The following VPS13D variants were observed in gnomAD, a reference collection of about 807,000 sequenced individuals.
VPS13D encodes vacuolar protein sorting 13 homolog D.
Under a neutral mutation model 461.9 loss-of-function variants are expected in VPS13D, and 187 were observed. The observed-to-expected ratio is 0.40, with a 90% confidence interval of 0.36 to 0.46. The LOEUF is 0.46. Ranked by LOEUF, VPS13D falls within the 20% of genes least tolerant of loss-of-function variation. The probability of loss-of-function intolerance (pLI) is 0.60; values close to 1 mark genes in which losing one functional copy is unlikely to be tolerated. For synonymous variants in VPS13D, 1,951 were observed against 1,986.3 expected (o/e 0.98, Z 0.47); for missense variants, 4,711 against 5,364.9 (o/e 0.88, Z 3.81).
chr1:12,247,800 T>A (rs1484581457), intron 5 of VPS13D, among the ~76,000 whole-genome samples: 7 of 151,752 alleles, frequency 4.6e-5, no homozygotes, highest in Admixed American at 3.9e-4. Context: ...GCCTCCCGGA[T>A]TCAAGCGATT....
At chr1:12,494,463 C>G (rs1046567997) in intron 67 of VPS13D, among the ~76,000 whole-genome samples, 2 of 152,140 alleles carry the variant, frequency 1.3e-5, no homozygotes, top group African/African-American at 4.8e-5. Context: ...GTGAGAAGAT[C>G]AACAAGGTGA....
chr1:12,259,126 C>T lies in VPS13D; in HGVS notation c.1110+1023C>T, dbSNP rs995317452. 3.3e-4 allele frequency among the ~76,000 whole-genome samples: 50 copies of T among 151,600 alleles called. 2 individuals carry two copies. The highest frequency in any genetic ancestry group is 2.8e-3 in the Admixed American group (43 of 15,230). ...GCATGATCATGGTCACTGCAACCTC[C>T]GTCACCCTGGGCTCAAGCCATTCTC... On this transcript the variant is annotated intron_variant, in intron 10 of 69. Coordinates refer to ENST00000620676, the MANE Select transcript of VPS13D (RefSeq NM_015378.4).
Position 12,256,435 on chromosome 1 carries a change from C to A in VPS13D, c.772C>A (p.Arg258=). The change falls in exon 8 of 70, where the codon CGG becomes AGG. Residue 258 remains arginine (R), a synonymous_variant. Transcript: ENST00000620676. ...GAGAAACTGCTCCAAGAAGCCCCTG[C>A]GGTCTCGGCACAGTCCCCGTATTGA... The part of the protein sequence containing the change: ...LKRNCSKKPL[R]SRHSPRIDCD... The A allele has an allele frequency of 1.9e-6, 3 of 1,614,136 alleles. No homozygotes were observed. The highest frequency in any genetic ancestry group is 2.5e-6 in the Non-Finnish European group (3 of 1,180,006).
intron 21 of VPS13D, 65 bp from the exon 22 acceptor site, chr1:12,288,158 G>A (rs1048860744): frequency 7.8e-5 from 110 of 1,416,606 alleles, no homozygotes; most frequent in South Asian, 1.3e-4. Flanking sequence ...TTGCTCTGCC[G>A]TTTTCCTGAA....
chr1:12,354,323 C>T, intron 47 of VPS13D, 102 bp downstream of exon 47: 2 of 1,379,240 alleles, frequency 1.5e-6, no homozygotes, highest in Admixed American at 2.2e-5. Flanking sequence ...AATTGGGGCA[C>T]ATATAATATC....
chr1:12,372,800 C>CTTT (rs764284126), intron 54 of VPS13D, among the ~76,000 whole-genome samples: 74 of 126,766 alleles, frequency 5.8e-4, no homozygotes, highest in African/African-American at 2.0e-3. Flanking sequence ...AATCCATTAC[C>CTTT]TTTTTTTTTT....
intron 27 of VPS13D, among the ~76,000 whole-genome samples, chr1:12,309,212 CTTTTTTTTT>C (rs201262655): frequency 7.6e-6 from 1 of 131,052 alleles, no homozygotes; most frequent in Non-Finnish European, 1.7e-5. Flanking sequence ...TCTTTTTTTT[CTTTTTTTTT>C]TTTTTTTTGA....
At chr1:12,297,066 G>T (rs1279222972) in intron 24 of VPS13D, among the ~76,000 whole-genome samples, 2 of 152,204 alleles carry the variant, frequency 1.3e-5, no homozygotes, top group East Asian at 3.8e-4. Context: ...AATTCTAGCT[G>T]TTTGAATTAG....
chr1:12,277,127 C>T lies in VPS13D; in HGVS notation c.3539C>T (p.Thr1180Ile). 1 of 1,614,174 alleles carries T rather than the reference C, an allele frequency of 6.2e-7. No homozygotes were observed. Residue 1180 changes from threonine (T) to isoleucine (I), a missense_variant, in exon 19 of 70, where the codon ACA becomes ATA. Thr to Ile is a moderately conservative substitution (Grantham distance 89, BLOSUM62 -1). Coordinates refer to ENST00000620676, the MANE Select transcript of VPS13D (RefSeq NM_015378.4). ...AGGCTGAACTTACTGCTTCTTCGGA[C>T]AGTGGGCATGGCAAATAGAGAGAAA... ...IHRLNLLLLR[T>I]VGMANREKYG...
intron 12 of VPS13D, 67 bp downstream of exon 12, chr1:12,261,216 G>T: frequency 6.4e-7 from 1 of 1,569,590 alleles, no homozygotes. Flanking sequence ...ACAGCTTGTG[G>T]TATTTTTCAA....
Position 12,386,178 on chromosome 1 carries a change from C to T in VPS13D, c.11485-7C>T. The T allele has an allele frequency of 6.2e-7, 1 of 1,606,230 alleles. No individual in the cohort carries two copies. Among genetic ancestry groups the T allele is most frequent in the Non-Finnish European group, 8.5e-7 (1 of 1,176,686 alleles). On this transcript the variant is annotated splice_region_variant and splice_polypyrimidine_tract_variant and intron_variant, in intron 59 of 69. Transcript: ENST00000620676. ...AATCAGGGTGCCATATTTTGGTTTC[C>T]TTTCAGGTGCTTGTGAGGTTAGAAG...
In VPS13D at chr1:12,299,217, C is replaced by T; in HGVS notation, c.6049C>T (p.Gln2017Ter). The change falls in exon 25 of 70, where the codon CAG becomes TAG. Residue 2017 changes from glutamine (Q) to a stop codon, truncating the protein, a stop_gained. Transcript: ENST00000620676. LOFTEE classifies it high-confidence loss of function. This position sits in a 1 kb window ranked among gnomAD's most constrained non-coding sequence, Gnocchi z 4.2. ...IEGQTVRDQAQRCSRVLLDIE... is the reference protein window; with the variant it reads ...IEGQTVRDQA ...CCTCTTTCAGGTGAGAGATCAAGCC[C>T]AGCGCTGTTCACGGGTTCTCCTGGA... 6.2e-7 allele frequency: 1 copy of T among 1,610,618 alleles called. No individual in the cohort carries two copies. Among genetic ancestry groups the T allele is most frequent in the Non-Finnish European group, 8.5e-7 (1 of 1,179,164 alleles).
Position 12,495,235 on chromosome 1 carries a change from C to T in VPS13D, c.12663-2265C>T, listed in dbSNP as rs1303984627. Among the ~76,000 whole-genome samples, 2 of 151,460 alleles carry T rather than the reference C, an allele frequency of 1.3e-5. No individual in the cohort carries two copies. Among genetic ancestry groups the T allele is most frequent in the East Asian group, 1.9e-4 (1 of 5,148 alleles). On this transcript the variant is annotated intron_variant, in intron 67 of 69. Transcript: ENST00000620676. The surrounding 1 kb of genome is among the most constrained non-coding windows in gnomAD (Gnocchi z 4.0). ...CAGGATCTCGGCTCACTGCAAGCTC[C>T]GCCTCCCAGGTTCATGCCATTCTCC...
intron 21 of VPS13D, among the ~76,000 whole-genome samples, chr1:12,284,546 G>A (rs1005174761): frequency 6.6e-6 from 1 of 152,222 alleles, no homozygotes; most frequent in South Asian, 2.1e-4. Context: ...GGATGTGAAA[G>A]CAGTTAACCT....
intron 65 of VPS13D, among the ~76,000 whole-genome samples, chr1:12,435,562 C>T (rs1211160906): frequency 2.6e-5 from 4 of 152,108 alleles, no homozygotes; most frequent in African/African-American, 9.7e-5. Context: ...ATCCTCATAA[C>T]GACCCTGTGG....
At chr1:12,278,963 GCCTTTGAGAACTTAC>G (rs1230007904) in intron 19 of VPS13D, among the ~76,000 whole-genome samples, 2 of 152,184 alleles carry the variant, frequency 1.3e-5, no homozygotes, top group African/African-American at 4.8e-5. Context: ...TGAAATTAAT[GCCTTTGAGAACTTAC>G]CCTTCTGTGG....
intron 67 of VPS13D, among the ~76,000 whole-genome samples, chr1:12,492,943 G>C (rs894588265): frequency 1.3e-5 from 2 of 152,122 alleles, no homozygotes; most frequent in Non-Finnish European, 2.9e-5. Flanking sequence ...ATGTGGTAAG[G>C]CTACATAAAA....
chr1:12,486,883 G>A (rs1479753477), intron 67 of VPS13D, among the ~76,000 whole-genome samples: 1 of 152,094 alleles, frequency 6.6e-6, no homozygotes, highest in African/African-American at 2.4e-5. Flanking sequence ...ACACAGCACC[G>A]TTCTGAGCGC....
intron 65 of VPS13D, among the ~76,000 whole-genome samples, chr1:12,426,980 C>T (rs1167713205): frequency 1.3e-5 from 2 of 152,050 alleles, no homozygotes; most frequent in South Asian, 4.1e-4. Context: ...TGCCATTGCA[C>T]TCCAGCCTAG....
Sources: allele counts gnomAD v4.1 joint callset (sites outside exome capture counted in the v4.1 genomes callset), GRCh38; gene constraint gnomAD v4.1.1; non-coding constraint Gnocchi (gnomAD v3.1); transcripts MANE v1.5; gene names NCBI Gene and HGNC (gene_info 2026-07-23, HGNC 2026-07-21).